The following DLG2 variants were observed in gnomAD, a reference collection of about 807,000 sequenced individuals.
DLG2 encodes disks large homolog 2.
DLG2 carries 45 observed loss-of-function variants against 132.5 expected under a neutral mutation model. That is an observed-to-expected ratio of 0.34 (90% CI 0.27 to 0.44). The LOEUF is 0.44. Ranked by LOEUF, DLG2 falls within the 20% of genes least tolerant of loss-of-function variation. The pLI, the probability that DLG2 is intolerant of heterozygous loss-of-function variation, is 1.00. For missense variants in DLG2, 1,045 were observed against 1,196.9 expected (o/e 0.87, Z 1.87); for synonymous variants, 424 against 419.6 (o/e 1.01, Z -0.13).
chr11:85,395,867 C>A (rs1287936413), intron 3 of DLG2, among the ~76,000 whole-genome samples: 1 of 152,230 alleles, frequency 6.6e-6, no homozygotes, highest in Non-Finnish European at 1.5e-5. Context: ...CAGACAGCTT[C>A]TGCAGATTTA....
intron 7 of DLG2, among the ~76,000 whole-genome samples, chr11:84,343,237 C>T (rs1400418334): frequency 1.3e-5 from 2 of 152,128 alleles, no homozygotes; most frequent in African/African-American, 4.8e-5. Flanking sequence ...TGAACAAATG[C>T]TTATCACACT....
intron 6 of DLG2, among the ~76,000 whole-genome samples, chr11:85,015,245 C>A (rs2059476150): frequency 6.6e-6 from 1 of 152,072 alleles, no homozygotes; most frequent in Admixed American, 6.6e-5. Context: ...CACATACATT[C>A]ATTTGCTATG....
At chr11:85,423,350 A>T (rs557038153) in intron 3 of DLG2, among the ~76,000 whole-genome samples, 2 of 152,252 alleles carry the variant, frequency 1.3e-5, no homozygotes, top group African/African-American at 4.8e-5. Context: ...GATGTACTGG[A>T]TCCTGTGACA....
chr11:85,381,085 C>G (rs2085844624), intron 3 of DLG2, among the ~76,000 whole-genome samples: 1 of 152,184 alleles, frequency 6.6e-6, no homozygotes, highest in African/African-American at 2.4e-5. Flanking sequence ...ACAACTTATA[C>G]TCTGCTTCAG....
chr11:83,475,585 A>C (rs2092528860), intron 22 of DLG2, among the ~76,000 whole-genome samples: 1 of 151,982 alleles, frequency 6.6e-6, no homozygotes, highest in Admixed American at 6.6e-5. Flanking sequence ...GTGGGTGTTG[A>C]GGTAAAGCTA....
chr11:83,852,108 T>G (rs958259796), intron 16 of DLG2, among the ~76,000 whole-genome samples: 1 of 152,118 alleles, frequency 6.6e-6, no homozygotes, highest in Non-Finnish European at 1.5e-5. Context: ...GACCAGGGCC[T>G]GCTAACACTT....
chr11:85,413,753 G>T (rs1244364954), intron 3 of DLG2, among the ~76,000 whole-genome samples: 45 of 151,994 alleles, frequency 3.0e-4, no homozygotes, highest in Admixed American at 3.0e-3. Context: ...TATTCCATTG[G>T]TCTGTGTGCC....
Position 84,513,039 on chromosome 11 carries a change from G to A in DLG2, c.519+21531C>T, listed in dbSNP as rs1338475523. On this transcript the variant is annotated intron_variant, in intron 7 of 27. Coordinates refer to ENST00000376104, the MANE Select transcript of DLG2 (RefSeq NM_001142699.3). ...ATTAGGACAAATACCTAACTCATGC[G>A]GGGCTTAAAACCTAGATTACAGGTT... Among the ~76,000 whole-genome samples, 12 of 151,982 alleles carry A rather than the reference G, an allele frequency of 7.9e-5. 1 individual carries two copies. Among genetic ancestry groups the A allele is most frequent in the Admixed American group, 3.3e-4 (5 of 15,222 alleles).
At chr11:83,996,096 A>G (rs1374310693) in intron 11 of DLG2, among the ~76,000 whole-genome samples, 9 of 152,196 alleles carry the variant, frequency 5.9e-5, no homozygotes, top group Non-Finnish European at 1.2e-4. Flanking sequence ...ATTAGTAACA[A>G]GAATATGTAA....
At chr11:84,574,669 A>G (rs1565342737) in intron 6 of DLG2, among the ~76,000 whole-genome samples, 1 of 152,210 alleles carries the variant, frequency 6.6e-6, no homozygotes, top group Non-Finnish European at 1.5e-5. Flanking sequence ...CTGCTATCAC[A>G]GTGAAAGTTT....
intron 4 of DLG2, among the ~76,000 whole-genome samples, chr11:85,228,012 G>A (rs1279152971): frequency 6.6e-6 from 1 of 151,966 alleles, no homozygotes; most frequent in Non-Finnish European, 1.5e-5. Context: ...TCTTGGATAT[G>A]CTTTCCTTTA....
chr11:84,978,647 G>T (rs557555893), intron 6 of DLG2, among the ~76,000 whole-genome samples: 6 of 152,050 alleles, frequency 3.9e-5, no homozygotes, highest in Non-Finnish European at 7.4e-5. Context: ...TTCCTTACAC[G>T]TTATACAAAA....
At chr11:84,528,227 C>G (rs1489473192) in intron 7 of DLG2, among the ~76,000 whole-genome samples, 1 of 152,090 alleles carries the variant, frequency 6.6e-6, no homozygotes, top group Non-Finnish European at 1.5e-5. Flanking sequence ...ATGAAAGATT[C>G]TAGGTAGCAT....
At chr11:85,625,612 C>T (rs2081988819) in intron 2 of DLG2, among the ~76,000 whole-genome samples, 1 of 152,192 alleles carries the variant, frequency 6.6e-6, no homozygotes, top group Non-Finnish European at 1.5e-5. Context: ...AAGAATTAAA[C>T]ACCATGCAGA....
intron 8 of DLG2, among the ~76,000 whole-genome samples, chr11:84,197,746 C>T (rs2096540846): frequency 6.6e-6 from 1 of 152,092 alleles, no homozygotes; most frequent in African/African-American, 2.4e-5. Flanking sequence ...AATTATGTCC[C>T]AGGTATTCAC....
At chr11:85,296,105 G>T (rs1455688498) in intron 3 of DLG2, among the ~76,000 whole-genome samples, 2 of 152,012 alleles carry the variant, frequency 1.3e-5, no homozygotes, top group Non-Finnish European at 2.9e-5. Flanking sequence ...TTTTCCAGAG[G>T]ATAAGAACTA....
intron 3 of DLG2, among the ~76,000 whole-genome samples, chr11:85,365,215 TA>T (rs1197505548): frequency 6.6e-6 from 1 of 152,162 alleles, no homozygotes. Flanking sequence ...AATACTATCC[TA>T]AATAGCATCC....
intron 7 of DLG2, among the ~76,000 whole-genome samples, chr11:84,476,361 T>C (rs2099121728): frequency 6.6e-6 from 1 of 152,196 alleles, no homozygotes; most frequent in Non-Finnish European, 1.5e-5. Flanking sequence ...CTGCATTTTT[T>C]CAAAACAAAT....
intron 6 of DLG2, among the ~76,000 whole-genome samples, chr11:84,935,069 T>G (rs2048582380): frequency 6.6e-6 from 1 of 152,184 alleles, no homozygotes; most frequent in Non-Finnish European, 1.5e-5. Context: ...GTTACATAAG[T>G]CAGAAATCTA....
Sources: gnomAD v4.1 joint callset for allele counts (sites outside exome capture counted in the v4.1 genomes callset) on GRCh38, gnomAD v4.1.1 for gene constraint, MANE v1.5 for transcripts, NCBI Gene and HGNC (gene_info 2026-07-23, HGNC 2026-07-21) for gene names.